RBFOX2: variants seen among roughly 807,000 people sequenced by gnomAD.
The protein encoded by RBFOX2 is RNA binding protein fox-1 homolog 2.
RBFOX2 carries 10 observed loss-of-function variants against 49.1 expected under a neutral mutation model. The ratio of observed to expected loss-of-function variants is 0.20; its 90% CI spans 0.13 to 0.35. RBFOX2 has a LOEUF of 0.35. RBFOX2 is among the 10% of genes least tolerant of loss of function. RBFOX2 has a pLI of 1.00. For missense variants in RBFOX2, 323 were observed against 486.9 expected, an observed-to-expected ratio of 0.66 and a Z score of 3.17; for synonymous variants, 183 against 187.4, an observed-to-expected ratio of 0.98 and a Z score of 0.19.
chr22:35,743,937 T>C, exon 12 of RBFOX2: 1 of 369,098 alleles, frequency 2.7e-6, no homozygotes, highest in Non-Finnish European at 4.8e-6. Flanking sequence ...ATTATTTTTT[T>C]TTTTTTTACC....
chr22:35,789,944 G>A (rs913708193), intron 2 of RBFOX2, among the ~76,000 whole-genome samples: 1 of 152,106 alleles, frequency 6.6e-6, no homozygotes, highest in African/African-American at 2.4e-5. Flanking sequence ...AGGCTTGGGG[G>A]ACTTTGTGAT....
At position 35,828,472 on chromosome 22, in the gene RBFOX2, G is replaced by A. The variant is rs1299147755; in HGVS notation, c.27+11720C>T. ...GGACGGTACTGGAGAAAGTTGCAGA[G>A]AGAAAGAGAGCTCTAAAGATCTCAA... is the stretch of plus-strand genomic sequence containing the variant. On this transcript the variant is annotated intron_variant, in intron 1 of 11. Coordinates refer to ENST00000405409, the Ensembl canonical transcript of RBFOX2. Among the ~76,000 whole-genome samples the A allele has an allele frequency of 1.3e-5, 2 of 152,198 alleles. 1 individual carries two copies. Among genetic ancestry groups the A allele is most frequent in the African/African-American group, 4.8e-5 (2 of 41,450 alleles).
At chr22:35,989,323 G>A (rs1015964661) in intron 1 of RBFOX2, among the ~76,000 whole-genome samples, 1 of 152,136 alleles carries the variant, frequency 6.6e-6, no homozygotes, top group African/African-American at 2.4e-5. Context: ...CTGAGGAAGG[G>A]ATAACAAAAA....
intron 1 of RBFOX2, chr22:35,897,681 G>A (rs765765169): frequency 7.4e-5 from 91 of 1,233,528 alleles, no homozygotes; most frequent in Admixed American, 1.0e-4. Flanking sequence ...CATCTACGAC[G>A]TATACTGGTT....
exon 12 of RBFOX2, chr22:35,742,420 T>C (rs1381700617): frequency 1.3e-5 from 2 of 152,644 alleles, no homozygotes; most frequent in Non-Finnish European, 2.9e-5. Flanking sequence ...CTGTCATAGG[T>C]CAGTCATTTT....
chr22:35,828,426 GAGAAGCCAAGACAGCACAGGGGA>G (rs1956189655), intron 1 of RBFOX2, among the ~76,000 whole-genome samples: 1 of 152,160 alleles, frequency 6.6e-6, no homozygotes, highest in Admixed American at 6.5e-5. Flanking sequence ...TAGAAGTCTG[GAGAAGCCAAGACAGCACAGGGGA>G]CGGTACTGGA....
intron 1 of RBFOX2, among the ~76,000 whole-genome samples, chr22:35,936,390 C>T (rs753773559): frequency 6.6e-6 from 1 of 152,210 alleles, no homozygotes; most frequent in East Asian, 1.9e-4. Context: ...GACTGTTCAG[C>T]GACCAGTGTT....
intron 1 of RBFOX2, among the ~76,000 whole-genome samples, chr22:35,979,494 A>G (rs934156887): frequency 3.3e-5 from 5 of 152,220 alleles, no homozygotes; most frequent in East Asian, 1.9e-4. Context: ...TCACATCTGC[A>G]GCTTGCTCTC....
intron 9 of RBFOX2, among the ~76,000 whole-genome samples, chr22:35,754,695 T>C (rs1024104004): frequency 2.0e-5 from 3 of 152,152 alleles, no homozygotes; most frequent in Non-Finnish European, 4.4e-5. Context: ...ACTGTGAACA[T>C]AGGAAAAAAG....
exon 12 of RBFOX2, chr22:35,744,021 A>T: frequency 2.1e-6 from 1 of 468,578 alleles, no homozygotes; most frequent in Admixed American, 4.4e-5. Flanking sequence ...TTTAAAGGAA[A>T]AATACATATT....
intron 1 of RBFOX2, among the ~76,000 whole-genome samples, chr22:35,838,752 T>C (rs570353080): frequency 3.3e-5 from 5 of 152,306 alleles, no homozygotes; most frequent in African/African-American, 1.2e-4. Context: ...GGATAACACA[T>C]GGAAGAGAAA....
chr22:35,751,063 C>T (rs754352089), intron 9 of RBFOX2, among the ~76,000 whole-genome samples: 1 of 152,060 alleles, frequency 6.6e-6, no homozygotes, highest in Non-Finnish European at 1.5e-5. Flanking sequence ...CATGATCTTT[C>T]GGCACAGTTC....
chr22:36,026,332 C>T (rs2059433083), intron 1 of RBFOX2, among the ~76,000 whole-genome samples: 1 of 151,500 alleles, frequency 6.6e-6, no homozygotes, highest in South Asian at 2.1e-4. Context: ...AGGGATAACT[C>T]TCAGCTGCCA....
chr22:35,990,499 G>C (rs147584920), intron 1 of RBFOX2, among the ~76,000 whole-genome samples: 1 of 152,222 alleles, frequency 6.6e-6, no homozygotes, highest in Admixed American at 6.5e-5. Flanking sequence ...TTAAATGAGA[G>C]AACTGAAGAG....
intron 1 of RBFOX2, among the ~76,000 whole-genome samples, chr22:35,850,101 A>G (rs1013549780): frequency 3.3e-5 from 5 of 151,970 alleles, no homozygotes; most frequent in African/African-American, 1.2e-4. Context: ...GGACACAGAA[A>G]GGCAGATGGG....
At chr22:35,739,802 G>T (rs183828929) in exon 12 of RBFOX2, 3 of 152,468 alleles carry the variant, frequency 2.0e-5, no homozygotes, top group African/African-American at 4.8e-5. Flanking sequence ...TCAGGTCACC[G>T]GCATGTACAC....
chr22:35,985,951 G>A (rs112317111), intron 1 of RBFOX2, among the ~76,000 whole-genome samples: 2 of 134,796 alleles, frequency 1.5e-5, no homozygotes, highest in African/African-American at 2.8e-5. Flanking sequence ...TAGATAGATA[G>A]ATAGAGTCTT....
At chr22:35,869,931 G>A (rs984015121) in intron 1 of RBFOX2, among the ~76,000 whole-genome samples, 7 of 152,096 alleles carry the variant, frequency 4.6e-5, no homozygotes, top group African/African-American at 1.7e-4. Context: ...CCTACTTTCT[G>A]AAATGTTTAT....
chr22:35,817,609 G>A (rs533988102), intron 1 of RBFOX2, among the ~76,000 whole-genome samples: 1 of 152,236 alleles, frequency 6.6e-6, no homozygotes, highest in East Asian at 1.9e-4. Flanking sequence ...CTGCAGCTAA[G>A]AGAATAAACA....
Sources: allele counts gnomAD v4.1 joint callset (sites outside exome capture counted in the v4.1 genomes callset), GRCh38; gene constraint gnomAD v4.1.1; transcripts MANE v1.5; gene names NCBI Gene and HGNC (gene_info 2026-07-23, HGNC 2026-07-21).